The following HPSE2 variants were observed in gnomAD, a reference collection of about 807,000 sequenced individuals.
HPSE2 encodes the protein inactive heparanase-2.
A neutral mutation model predicts 60.5 loss-of-function variants in HPSE2; 38 were observed. The ratio of observed to expected loss-of-function variants is 0.63; its 90% CI spans 0.48 to 0.82. The LOEUF is 0.82. HPSE2 is among the 40% of genes least tolerant of loss of function. HPSE2 has a pLI of 0.00. For synonymous variants in HPSE2, 295 were observed against 293.2 expected, an observed-to-expected ratio of 1.01 and a Z score of -0.06; for missense variants, 713 against 740.4, an observed-to-expected ratio of 0.96 and a Z score of 0.43.
the HPSE2 span, among the ~76,000 whole-genome samples, chr10:99,257,952 C>T: frequency 3.3e-5 from 5 of 152,014 alleles, no homozygotes; most frequent in South Asian, 1.0e-3. Flanking sequence ...CTATCGGGGA[C>T]AGGTTCTCCC....
intron 3 of HPSE2, among the ~76,000 whole-genome samples, chr10:98,923,116 T>A (rs894474120): frequency 1.3e-5 from 2 of 152,234 alleles, no homozygotes; most frequent in African/African-American, 4.8e-5. Context: ...TTTATTTGTC[T>A]GAGAATGTCT....
At chr10:98,928,660 T>C (rs1167944313) in intron 3 of HPSE2, among the ~76,000 whole-genome samples, 1 of 133,380 alleles carries the variant, frequency 7.5e-6, no homozygotes, top group Non-Finnish European at 1.5e-5. Context: ...TATGCAGCCA[T>C]AAAAATGATG....
intron 3 of HPSE2, chr10:99,047,684 G>T (rs1589572192): frequency 2.5e-6 from 2 of 809,538 alleles, no homozygotes; most frequent in East Asian, 4.8e-5. Flanking sequence ...TGCTGTGCCA[G>T]AAACCCTTAG....
intron 4 of HPSE2, among the ~76,000 whole-genome samples, chr10:98,740,506 C>T (rs1949471743): frequency 6.6e-6 from 1 of 152,120 alleles, no homozygotes; most frequent in South Asian, 2.1e-4. Context: ...CTTTAACATC[C>T]TAACCTTTCT....
chr10:98,811,591 A>G (rs914299982), intron 3 of HPSE2, among the ~76,000 whole-genome samples: 2 of 152,154 alleles, frequency 1.3e-5, no homozygotes, highest in African/African-American at 2.4e-5. Context: ...GCTAATATTT[A>G]TTGCTTGCTG....
chr10:98,478,936 G>T (rs191999262), intron 11 of HPSE2, among the ~76,000 whole-genome samples: 14 of 152,242 alleles, frequency 9.2e-5, no homozygotes, highest in Admixed American at 7.8e-4. Context: ...CTTACGATTG[G>T]TTCATTCACT....
At chr10:99,015,378 T>C (rs1359869787) in intron 3 of HPSE2, among the ~76,000 whole-genome samples, 1 of 152,204 alleles carries the variant, frequency 6.6e-6, no homozygotes. Context: ...CGTATGTTTA[T>C]TGTGGCACTA....
chr10:99,109,502 G>A (rs190252212), intron 3 of HPSE2, among the ~76,000 whole-genome samples: 20 of 152,102 alleles, frequency 1.3e-4, no homozygotes, highest in Admixed American at 9.8e-4. Flanking sequence ...AGATTATTTC[G>A]CAGCTGAAAC....
chr10:98,736,933 C>G (rs1024213079), intron 4 of HPSE2, among the ~76,000 whole-genome samples: 1 of 152,062 alleles, frequency 6.6e-6, no homozygotes, highest in Non-Finnish European at 1.5e-5. Context: ...TGACTAAATA[C>G]CATGAGAGTA....
intron 9 of HPSE2, among the ~76,000 whole-genome samples, chr10:98,572,466 C>T (rs1944524497): frequency 1.3e-5 from 2 of 152,010 alleles, no homozygotes; most frequent in Admixed American, 1.3e-4. Flanking sequence ...TTCTCTCCTT[C>T]CTGACCTGAT....
chr10:98,946,182 G>A (rs549283565), intron 3 of HPSE2, among the ~76,000 whole-genome samples: 2 of 151,904 alleles, frequency 1.3e-5, no homozygotes, highest in Admixed American at 6.6e-5. Context: ...CAAAATTTAC[G>A]TGCATGGCCA....
At chr10:99,313,491 G>T in the HPSE2 span, among the ~76,000 whole-genome samples, 4 of 151,360 alleles carry the variant, frequency 2.6e-5, no homozygotes, top group Non-Finnish European at 5.9e-5. Flanking sequence ...TCTACTCCTG[G>T]TAAAGATGCT....
chr10:98,865,205 C>T (rs1268074539), intron 3 of HPSE2, among the ~76,000 whole-genome samples: 1 of 151,536 alleles, frequency 6.6e-6, no homozygotes. Context: ...AATCTAGGTG[C>T]CATAGAAAAA....
chr10:99,069,419 T>G (rs1842717187), intron 3 of HPSE2, among the ~76,000 whole-genome samples: 1 of 152,050 alleles, frequency 6.6e-6, no homozygotes, highest in African/African-American at 2.4e-5. Flanking sequence ...ACCTCGCAGT[T>G]CTTAAATTAC....
At chr10:98,514,266 G>C (rs1472294993) in intron 9 of HPSE2, among the ~76,000 whole-genome samples, 1 of 152,204 alleles carries the variant, frequency 6.6e-6, no homozygotes, top group Admixed American at 6.5e-5. Flanking sequence ...AAGGTGGAAG[G>C]GGGAGGCAAG....
chr10:98,632,074 G>A (rs1322965015), intron 7 of HPSE2, among the ~76,000 whole-genome samples: 1 of 152,162 alleles, frequency 6.6e-6, no homozygotes, highest in African/African-American at 2.4e-5. Flanking sequence ...TAGTTGATAA[G>A]TGTGGGCAAT....
Position 99,177,695 on chromosome 10 carries a change from C to T in HPSE2, c.449-33296G>A, listed in dbSNP as rs182821454. On this transcript the variant is annotated intron_variant, in intron 2 of 11. Transcript: ENST00000370552. ...GTGGGAGACTTTAACACCCCACTGT[C>T]AATATTAGACAGATCAATGAGACAG... Among the ~76,000 whole-genome samples, 200 of 152,130 alleles carry T rather than the reference C, an allele frequency of 1.3e-3. 1 individual carries two copies. The highest frequency in any genetic ancestry group is 4.5e-3 in the African/African-American group (188 of 41,506).
At chr10:98,838,538 C>T (rs893740610) in intron 3 of HPSE2, among the ~76,000 whole-genome samples, 7 of 151,338 alleles carry the variant, frequency 4.6e-5, no homozygotes, top group Admixed American at 1.3e-4. Flanking sequence ...GATCCCCCTG[C>T]ATCAGTCCCC....
At chr10:98,751,579 T>C (rs565847478) in intron 3 of HPSE2, among the ~76,000 whole-genome samples, 1 of 152,206 alleles carries the variant, frequency 6.6e-6, no homozygotes, top group Non-Finnish European at 1.5e-5. Context: ...AAGACAGGGC[T>C]GGTGACTCCA....
Sources: gnomAD v4.1 joint callset for allele counts (sites outside exome capture counted in the v4.1 genomes callset) on GRCh38, gnomAD v4.1.1 for gene constraint, MANE v1.5 for transcripts, NCBI Gene and HGNC (gene_info 2026-07-23, HGNC 2026-07-21) for gene names.